IL1RAP: variants seen among roughly 807,000 people sequenced by gnomAD.
The protein encoded by IL1RAP is interleukin-1 receptor accessory protein.
IL1RAP carries 35 observed loss-of-function variants against 60.7 expected under a neutral mutation model. The ratio of observed to expected loss-of-function variants is 0.58; its 90% confidence interval spans 0.44 to 0.76. The LOEUF is 0.76. Among genes scored for constraint, IL1RAP ranks in the 30% least tolerant of loss-of-function variants. The pLI is 0.00. For missense variants in IL1RAP, 572 were observed against 693.9 expected (o/e 0.82, Z 1.97); for synonymous variants, 268 against 250.9 (o/e 1.07, Z -0.64).
At chr3:190,540,111 A>C (rs1243780678) in intron 1 of IL1RAP, among the ~76,000 whole-genome samples, 1 of 152,136 alleles carries the variant, frequency 6.6e-6, no homozygotes. Flanking sequence ...AAACACTGTC[A>C]TAGAGTTTTT....
At chr3:190,646,215 T>G (rs1734004028) in intron 11 of IL1RAP, among the ~76,000 whole-genome samples, 1 of 152,202 alleles carries the variant, frequency 6.6e-6, no homozygotes, top group Admixed American at 6.5e-5. Flanking sequence ...GAGAATTTTT[T>G]TTTAAAGCAG....
rs1269976912 is a variant in IL1RAP, at chr3:190,609,252, A to G, written c.537+71A>G. ...AATGATAATGCTTATTTGCTGAGTTATATTTATAAGCAAAGGTGTTTCTCT... is the reference window on the plus strand; with the variant it reads ...AATGATAATGCTTATTTGCTGAGTTGTATTTATAAGCAAAGGTGTTTCTCT... On this transcript the variant is annotated intron_variant, in intron 5 of 11. Transcript: ENST00000447382. The G allele has an allele frequency of 4.6e-6, 5 of 1,089,544 alleles. No individual in the cohort carries two copies. In the Admixed American group the frequency reaches 7.4e-5, roughly 16 times the overall value. 67.5% of individuals were successfully genotyped at this position (1,089,544 alleles called of 1,614,324 possible).
At chr3:190,565,179 GAAACAAAC>G (rs571331742) in intron 3 of IL1RAP, among the ~76,000 whole-genome samples, 5 of 146,432 alleles carry the variant, frequency 3.4e-5, no homozygotes, top group African/African-American at 7.5e-5. Flanking sequence ...AAAAAAAAAA[GAAACAAAC>G]AAACAAACAA....
At chr3:190,543,405 C>G (rs1724109545) in intron 1 of IL1RAP, among the ~76,000 whole-genome samples, 1 of 152,026 alleles carries the variant, frequency 6.6e-6, no homozygotes, top group South Asian at 2.1e-4. Context: ...CCCTGGGAGT[C>G]AAAAATGAAT....
chr3:190,611,622 T>C (rs533771366), intron 5 of IL1RAP, among the ~76,000 whole-genome samples: 17 of 152,172 alleles, frequency 1.1e-4, no homozygotes, highest in Admixed American at 2.6e-4. Flanking sequence ...GTGCCTACTT[T>C]GGAGGGTAGT....
At chr3:190,585,035 A>C (rs138116182) in intron 3 of IL1RAP, among the ~76,000 whole-genome samples, 249 of 152,320 alleles carry the variant, frequency 1.6e-3, no homozygotes, top group Admixed American at 2.7e-3. Flanking sequence ...AGGGATGTAT[A>C]GATGGTGTGC....
chr3:190,525,702 C>A (rs1310222530), intron 1 of IL1RAP, among the ~76,000 whole-genome samples: 2 of 152,144 alleles, frequency 1.3e-5, no homozygotes. Context: ...TAGAACATTT[C>A]AAAAGGGAAA....
At chr3:190,614,774 T>C (rs1731116767) in intron 5 of IL1RAP, among the ~76,000 whole-genome samples, 2 of 152,126 alleles carry the variant, frequency 1.3e-5, no homozygotes, top group South Asian at 4.1e-4. Flanking sequence ...TTCTGTGTGA[T>C]TACAAAAACT....
At chr3:190,590,741 G>C (rs2108712375) in intron 3 of IL1RAP, among the ~76,000 whole-genome samples, 1 of 152,308 alleles carries the variant, frequency 6.6e-6, no homozygotes, top group African/African-American at 2.4e-5. Context: ...TATTAACGTT[G>C]TCTGTTCCAG....
chr3:190,634,801 G>A (rs1363965542), intron 9 of IL1RAP, among the ~76,000 whole-genome samples: 2 of 148,092 alleles, frequency 1.4e-5, no homozygotes, highest in Middle Eastern at 3.6e-3. Flanking sequence ...CTGCAAGCTC[G>A]GCCTCCCGGG....
At chr3:190,546,182 A>G (rs1724355081) in intron 1 of IL1RAP, among the ~76,000 whole-genome samples, 1 of 152,156 alleles carries the variant, frequency 6.6e-6, no homozygotes, top group Non-Finnish European at 1.5e-5. Context: ...GCAAGATAAC[A>G]TTCATCTGAT....
rs554249703 is a variant in IL1RAP at position 190,609,163 on chromosome 3, G to T, written c.519G>T (p.Pro173=). The change falls in exon 5 of 12, where the codon CCG becomes CCT. Residue 173 remains proline, a synonymous_variant. Transcript: ENST00000447382. ...VDGYFPSSVK[P]TITWYMGCYK... is the part of the protein sequence containing the mutation. ...GATATTTTCCTTCCAGTGTCAAACC[G>T]ACTATCACTTGGTATATGGTAAGGA... 5.6e-6 allele frequency: 9 copies of T among 1,609,424 alleles called. No homozygotes were observed. In the African/African-American group the frequency reaches 9.4e-5, roughly 17 times the overall value.
intron 5 of IL1RAP, among the ~76,000 whole-genome samples, chr3:190,613,906 T>C (rs752630762): frequency 1.3e-5 from 2 of 152,102 alleles, no homozygotes; most frequent in Non-Finnish European, 2.9e-5. Context: ...TTCTGATATA[T>C]TGCTTCCTGT....
chr3:190,590,349 G>A (rs913298230), intron 3 of IL1RAP, among the ~76,000 whole-genome samples: 6 of 151,472 alleles, frequency 4.0e-5, no homozygotes, highest in Admixed American at 1.3e-4. Context: ...TCTACCTCCC[G>A]GGTTCAAGCA....
At chr3:190,637,820 CT>C (rs1733343245) in intron 9 of IL1RAP, among the ~76,000 whole-genome samples, 10 of 151,542 alleles carry the variant, frequency 6.6e-5, no homozygotes, top group Admixed American at 6.6e-4. Context: ...TTTTTATTTC[CT>C]TTTTTAGAAT....
chr3:190,617,870 C>T lies in IL1RAP; in HGVS notation c.538-2405C>T, dbSNP rs1200364103. 2.0e-5 allele frequency among the ~76,000 whole-genome samples: 3 copies of T among 152,290 alleles called. 1 individual carries two copies. Among genetic ancestry groups the T allele is most frequent in the Non-Finnish European group, 1.5e-5 (1 of 68,024 alleles). On this transcript the variant is annotated intron_variant, in intron 5 of 11. Coordinates refer to ENST00000447382, the MANE Select transcript of IL1RAP (RefSeq NM_002182.4). ...GTGTAACAATGCCCTGAATTACCCTCACACACGTATTAGAATGTAAAATAT... is the reference window on the plus strand; with the variant it reads ...GTGTAACAATGCCCTGAATTACCCTTACACACGTATTAGAATGTAAAATAT...
At chr3:190,593,897 A>G (rs1441369461) in intron 3 of IL1RAP, among the ~76,000 whole-genome samples, 1 of 152,234 alleles carries the variant, frequency 6.6e-6, no homozygotes, top group East Asian at 1.9e-4. Context: ...GGTATATTAT[A>G]GGATACTGCT....
intron 3 of IL1RAP, among the ~76,000 whole-genome samples, chr3:190,586,630 G>A (rs1252100186): frequency 1.3e-5 from 2 of 152,202 alleles, no homozygotes; most frequent in African/African-American, 4.8e-5. Context: ...TTTTCTACCA[G>A]CATGAAATGT....
rs565371601 is a variant in IL1RAP, at chr3:190,514,792, C to T, written c.-89+573C>T. On this transcript the variant is annotated intron_variant, in intron 1 of 11. Transcript: ENST00000447382. ...AGCGCGGGGAGAGAGGAGCGAGGCC[C>T]GGGCGCCAGTGACCTCCTATGGTAC... Among the ~76,000 whole-genome samples, 5 of 152,274 alleles carry T rather than the reference C, an allele frequency of 3.3e-5. No individual in the cohort carries two copies. In the East Asian group the frequency reaches 7.8e-4, roughly 24 times the overall value.
Sources: gnomAD v4.1 joint callset for allele counts (sites outside exome capture counted in the v4.1 genomes callset) on GRCh38, gnomAD v4.1.1 for gene constraint, MANE v1.5 for transcripts, NCBI Gene and HGNC (gene_info 2026-07-23, HGNC 2026-07-21) for gene names.